The following IQCB1 variants were observed in gnomAD, a reference collection of about 807,000 sequenced individuals.
IQCB1 encodes IQ motif containing B1.
IQCB1 carries 56 observed loss-of-function variants against 84.4 expected under a neutral mutation model. That is an observed-to-expected ratio of 0.66 (90% CI 0.54 to 0.83). The LOEUF is 0.83. IQCB1 is among the 40% of genes least tolerant of loss of function. The pLI is 0.00. For synonymous variants in IQCB1, 210 were observed against 234.8 expected (o/e 0.89, Z 0.96); for missense variants, 629 against 682.1 (o/e 0.92, Z 0.87).
intron 7 of IQCB1, among the ~76,000 whole-genome samples, chr3:121,803,051 A>G (rs1034218455): frequency 2.6e-5 from 4 of 151,856 alleles, no homozygotes; most frequent in Non-Finnish European, 5.9e-5. Context: ...AAATCCTTTT[A>G]CGTTGCTTTT....
chr3:121,830,346 G>A (rs553186675), intron 2 of IQCB1, among the ~76,000 whole-genome samples: 3 of 151,726 alleles, frequency 2.0e-5, no homozygotes, highest in African/African-American at 4.8e-5. Flanking sequence ...CTGAAGAATC[G>A]CTTGAGAATT....
chr3:121,825,517 T>C (rs1488829037), intron 5 of IQCB1, among the ~76,000 whole-genome samples: 1 of 152,188 alleles, frequency 6.6e-6, no homozygotes, highest in Non-Finnish European at 1.5e-5. Context: ...AAGTATCTAG[T>C]AGATCTTCAA....
chr3:121,822,223 G>C (rs564145350), intron 5 of IQCB1, among the ~76,000 whole-genome samples: 1 of 152,188 alleles, frequency 6.6e-6, no homozygotes. Flanking sequence ...GGACTTGTTA[G>C]CTTCCATAAT....
At chr3:121,798,732 T>C (rs1949293376) in intron 8 of IQCB1, among the ~76,000 whole-genome samples, 1 of 151,882 alleles carries the variant, frequency 6.6e-6, no homozygotes, top group South Asian at 2.1e-4. Flanking sequence ...TTAATTCACA[T>C]ATGTATTTGA....
At chr3:121,774,858 T>TAC (rs1330750805) in intron 13 of IQCB1, among the ~76,000 whole-genome samples, 3 of 152,206 alleles carry the variant, frequency 2.0e-5, no homozygotes, top group Admixed American at 1.3e-4. Context: ...TACTTAATGC[T>TAC]ACCAAACTAC....
In IQCB1 at chr3:121,781,889, A is replaced by T. The variant is rs767201620; in HGVS notation, c.1279-15T>A. The T allele has an allele frequency of 1.9e-6, 3 of 1,611,604 alleles. No homozygotes were observed. Among genetic ancestry groups the T allele is most frequent in the Non-Finnish European group, 8.5e-7 (1 of 1,178,376 alleles). On this transcript the variant is annotated splice_polypyrimidine_tract_variant and intron_variant, in intron 12 of 14. Coordinates refer to ENST00000310864, the MANE Select transcript of IQCB1 (RefSeq NM_001023570.4). ...AATTTAAGCGCCTGGAAGAAAAAAA[A>T]TTGAAGGTTTGTGATTTTTCTCCCC...
chr3:121,783,424 T>C (rs1948585592), intron 12 of IQCB1, among the ~76,000 whole-genome samples: 1 of 152,230 alleles, frequency 6.6e-6, no homozygotes, highest in Non-Finnish European at 1.5e-5. Flanking sequence ...TTAGTTAAAT[T>C]AATGTTCAAT....
rs1274065823 is a variant in IQCB1, at chr3:121,788,361, A to G, written c.1201T>C (p.Tyr401His). Residue 401 changes from tyrosine (Y) to histidine (H), a missense_variant, in exon 12 of 15, where the codon TAC becomes CAC. Tyr to His is a moderately conservative substitution (Grantham distance 83). Transcript: ENST00000310864. ...ALIIQKHWRG[Y>H]RERKNFHQQR... ...TGGTGAAAATTTTTCCTTTCCCTGT[A>G]CCCTCTCCAATGTTTCTGGATAATC... The G allele has an allele frequency of 6.2e-7, 1 of 1,613,444 alleles. No individual in the cohort carries two copies. The highest frequency in any genetic ancestry group is 1.3e-5 in the African/African-American group (1 of 74,884).
intron 5 of IQCB1, among the ~76,000 whole-genome samples, chr3:121,824,445 G>A (rs532630635): frequency 2.6e-5 from 4 of 152,158 alleles, no homozygotes; most frequent in South Asian, 4.2e-4. Flanking sequence ...TTGGCCATGG[G>A]TAACTGAAAC....
At chr3:121,831,945 T>C (rs1377506087) in intron 2 of IQCB1, among the ~76,000 whole-genome samples, 1 of 152,186 alleles carries the variant, frequency 6.6e-6, no homozygotes, top group African/African-American at 2.4e-5. Context: ...CTTTTAAGAA[T>C]GCAGCAAAAT....
At chr3:121,831,380 C>T (rs1950633759) in intron 2 of IQCB1, among the ~76,000 whole-genome samples, 2 of 151,862 alleles carry the variant, frequency 1.3e-5, no homozygotes, top group South Asian at 4.2e-4. Flanking sequence ...CTCCATGTTG[C>T]CCAGGGTCTC....
At chr3:121,798,105 C>G (rs1269414265) in intron 8 of IQCB1, among the ~76,000 whole-genome samples, 2 of 152,052 alleles carry the variant, frequency 1.3e-5, no homozygotes, top group African/African-American at 4.8e-5. Context: ...TGGACATTCA[C>G]ATTTCTTTAG....
At position 121,826,188 on chromosome 3, in the gene IQCB1, A is replaced by G. The variant is rs745669281; in HGVS notation, c.264-8T>C. Reference sequence around the variant, plus strand: ...AAGCCCACACAGCAATGGCTGAAATAAGAGCACAAGTTCGTGTTAATTAGA... The same window carrying G: ...AAGCCCACACAGCAATGGCTGAAATGAGAGCACAAGTTCGTGTTAATTAGA... On this transcript the variant is annotated splice_polypyrimidine_tract_variant and splice_region_variant and intron_variant, in intron 4 of 14. Transcript: ENST00000310864. 5.6e-6 allele frequency: 9 copies of G among 1,613,600 alleles called. No individual in the cohort carries two copies. Among genetic ancestry groups the G allele is most frequent in the African/African-American group, 1.3e-5 (1 of 75,058 alleles).
At chr3:121,831,878 A>G (rs1459372962) in intron 2 of IQCB1, among the ~76,000 whole-genome samples, 2 of 152,242 alleles carry the variant, frequency 1.3e-5, no homozygotes, top group Non-Finnish European at 2.9e-5. Context: ...AAAACTTTCA[A>G]AGAGAGTGCA....
intron 8 of IQCB1, 22 bp from the exon 9 acceptor site, chr3:121,797,249 T>TA (rs1182341823): frequency 9.7e-7 from 1 of 1,033,602 alleles, no homozygotes; most frequent in Admixed American, 1.7e-5. Context: ...TAGCAAAAGG[T>TA]ACAACTATTA....
At chr3:121,776,551 C>A (rs186726760) in intron 13 of IQCB1, among the ~76,000 whole-genome samples, 1 of 151,958 alleles carries the variant, frequency 6.6e-6, no homozygotes, top group Non-Finnish European at 1.5e-5. Context: ...ATCTTACTGT[C>A]GGTTATTTTT....
intron 10 of IQCB1, 95 bp from the exon 11 acceptor site, chr3:121,790,310 AT>A: frequency 1.7e-6 from 2 of 1,145,086 alleles, no homozygotes; most frequent in Admixed American, 1.9e-5. Flanking sequence ...AACAGAAAAA[AT>A]TTTAAGATAA....
At chr3:121,832,934 T>A (rs1250068352) in intron 2 of IQCB1, among the ~76,000 whole-genome samples, 3 of 152,214 alleles carry the variant, frequency 2.0e-5, no homozygotes, top group African/African-American at 7.2e-5. Flanking sequence ...AACGTCACAT[T>A]TTCATGCACT....
chr3:121,772,879 A>C (rs923484119), intron 13 of IQCB1, among the ~76,000 whole-genome samples, 166 bp from the exon 14 acceptor site: 1 of 152,254 alleles, frequency 6.6e-6, no homozygotes, highest in East Asian at 1.9e-4. Context: ...TTAGTCTCTT[A>C]AAAGTTTTAG....
Sources: gnomAD v4.1 joint callset for allele counts (sites outside exome capture counted in the v4.1 genomes callset) on GRCh38, gnomAD v4.1.1 for gene constraint, MANE v1.5 for transcripts, NCBI Gene and HGNC (gene_info 2026-07-23, HGNC 2026-07-21) for gene names.